Variants in LRRC20 observed in about 807,000 individuals in gnomAD.
LRRC20 encodes leucine rich repeat containing 20.
Under a neutral mutation model 14.4 loss-of-function variants are expected in LRRC20, and 11 were observed. The ratio of observed to expected loss-of-function variants is 0.77; its 90% CI spans 0.48 to 1.27. LRRC20 has a LOEUF of 1.27. Among genes scored for constraint, LRRC20 ranks in the 50% most tolerant of loss-of-function variants. The probability of loss-of-function intolerance (pLI) is 0.00; values close to 1 mark genes in which losing one functional copy is unlikely to be tolerated. For synonymous variants in LRRC20, 121 were observed against 107.3 expected (o/e 1.13, Z -0.79); for missense variants, 219 against 251.2 (o/e 0.87, Z 0.87).
intron 2 of LRRC20, among the ~76,000 whole-genome samples, chr10:70,347,271 G>T (rs937391492): frequency 6.6e-6 from 1 of 152,190 alleles, no homozygotes; most frequent in Non-Finnish European, 1.5e-5. Context: ...CAGGAACTCT[G>T]CATTGGGCTG....
At chr10:70,372,119 CT>C (rs1222688417) in intron 2 of LRRC20, among the ~76,000 whole-genome samples, 2 of 109,970 alleles carry the variant, frequency 1.8e-5, no homozygotes, top group African/African-American at 8.3e-5. Flanking sequence ...CCTATGTCTC[CT>C]CCCAGGGGCC....
chr10:70,373,930 C>T (rs1486138439), intron 2 of LRRC20, among the ~76,000 whole-genome samples: 1 of 152,240 alleles, frequency 6.6e-6, no homozygotes, highest in Non-Finnish European at 1.5e-5. Context: ...ATGCCCTGCC[C>T]TAGCCGCCCT....
At chr10:70,339,749 G>A (rs116518267) in intron 3 of LRRC20, among the ~76,000 whole-genome samples, 2,464 of 152,254 alleles carry the variant, frequency 0.016, 88 homozygotes, top group African/African-American at 0.057. Context: ...GAGCATCTAC[G>A]AGGCTCACCT....
intron 1 of LRRC20, chr10:70,376,854 A>C: frequency 2.8e-6 from 1 of 352,298 alleles, no homozygotes; most frequent in Non-Finnish European, 5.3e-6. Context: ...CTCACCAGAC[A>C]TGGGGACCAG....
chr10:70,310,095 AGAGG>A (rs1437544830), intron 4 of LRRC20, among the ~76,000 whole-genome samples: 1 of 152,240 alleles, frequency 6.6e-6, no homozygotes, highest in Non-Finnish European at 1.5e-5. Context: ...TGAGCAGCTT[AGAGG>A]AAGGAGCGAT....
intron 3 of LRRC20, among the ~76,000 whole-genome samples, chr10:70,333,546 G>A (rs1842615771): frequency 6.6e-6 from 1 of 152,162 alleles, no homozygotes; most frequent in African/African-American, 2.4e-5. Context: ...GGATGCTGAA[G>A]CCCATGATGC....
At chr10:70,310,402 T>G (rs865804642) in intron 4 of LRRC20, among the ~76,000 whole-genome samples, 13 of 152,284 alleles carry the variant, frequency 8.5e-5, no homozygotes, top group African/African-American at 3.1e-4. Flanking sequence ...GACCTCCGCT[T>G]TGCCTTCAAT....
At chr10:70,345,185 T>C (rs1843032756) in intron 2 of LRRC20, among the ~76,000 whole-genome samples, 1 of 152,052 alleles carries the variant, frequency 6.6e-6, no homozygotes, top group African/African-American at 2.4e-5. Flanking sequence ...TCAAAAAATA[T>C]AGTCCAGAAA....
intron 2 of LRRC20, among the ~76,000 whole-genome samples, chr10:70,353,303 A>G (rs1843388822): frequency 6.6e-6 from 1 of 152,242 alleles, no homozygotes; most frequent in African/African-American, 2.4e-5. Flanking sequence ...TTAATGAAAT[A>G]ATAAAAAACA....
At chr10:70,344,711 C>T (rs888605875) in intron 2 of LRRC20, among the ~76,000 whole-genome samples, 4 of 152,126 alleles carry the variant, frequency 2.6e-5, no homozygotes, top group Admixed American at 1.3e-4. Context: ...GGACTACAGG[C>T]ACGTGCCATC....
At chr10:70,382,148 G>A (rs1241156955) in intron 1 of LRRC20, among the ~76,000 whole-genome samples, 1 of 152,246 alleles carries the variant, frequency 6.6e-6, no homozygotes, top group Non-Finnish European at 1.5e-5. Flanking sequence ...CCCCAGAGCG[G>A]AAGCAAACCC....
intron 4 of LRRC20, among the ~76,000 whole-genome samples, chr10:70,309,462 GCAAGGC>G (rs1057357331): frequency 2.6e-5 from 4 of 152,230 alleles, no homozygotes; most frequent in African/African-American, 9.6e-5. Context: ...ACGCAGAGGG[GCAAGGC>G]CAAGGCCAGA....
chr10:70,315,953 C>A (rs1841833521), intron 4 of LRRC20, among the ~76,000 whole-genome samples: 1 of 152,104 alleles, frequency 6.6e-6, no homozygotes, highest in African/African-American at 2.4e-5. Context: ...ATACCCATGT[C>A]CATATCCCCA....
chr10:70,305,780 A>G (rs1589934263), intron 4 of LRRC20, among the ~76,000 whole-genome samples: 1 of 148,100 alleles, frequency 6.8e-6, no homozygotes, highest in Non-Finnish European at 1.5e-5. Context: ...TCGCTCTGTC[A>G]CCCAGGCTGG....
chr10:70,367,958 C>CTATGTTATGTTAGTTATGT (rs1844079121), intron 2 of LRRC20, among the ~76,000 whole-genome samples: 2 of 21,894 alleles, frequency 9.1e-5, no homozygotes, highest in African/African-American at 2.0e-4. Context: ...ATAAATCTGC[C>CTATGTTATGTTAGTTATGT]TATGTTATGT....
chr10:70,303,615 T>C (rs1841297112), intron 4 of LRRC20, among the ~76,000 whole-genome samples: 1 of 152,200 alleles, frequency 6.6e-6, no homozygotes, highest in South Asian at 2.1e-4. Context: ...CCAACACTCA[T>C]CAAAAATGCC....
chr10:70,347,832 AAC>A (rs1491332395), intron 2 of LRRC20, among the ~76,000 whole-genome samples: 7 of 148,646 alleles, frequency 4.7e-5, no homozygotes, highest in African/African-American at 1.5e-4. Context: ...AAAAAAAAAA[AAC>A]CCAAAAAACA....
chr10:70,358,099 A>T (rs1843597466), intron 2 of LRRC20, among the ~76,000 whole-genome samples: 1 of 152,224 alleles, frequency 6.6e-6, no homozygotes, highest in Non-Finnish European at 1.5e-5. Flanking sequence ...ACATCGCCCT[A>T]CAGAGAAAGT....
At chr10:70,370,783 G>T (rs1055412839) in intron 2 of LRRC20, among the ~76,000 whole-genome samples, 1 of 151,350 alleles carries the variant, frequency 6.6e-6, no homozygotes, top group East Asian at 2.0e-4. Context: ...ACAAGTATAG[G>T]CTGAGACAAG....
Sources: allele counts gnomAD v4.1 joint callset (sites outside exome capture counted in the v4.1 genomes callset), GRCh38; gene constraint gnomAD v4.1.1; transcripts MANE v1.5; gene names NCBI Gene and HGNC (gene_info 2026-07-23, HGNC 2026-07-21).